The following RSPH14 variants were observed in gnomAD, a reference collection of about 807,000 sequenced individuals.
The protein encoded by RSPH14 is rhabdoid tumor deletion region gene 1.
Under a neutral mutation model 26.7 loss-of-function variants are expected in RSPH14, and 20 were observed. That is an observed-to-expected ratio of 0.75 (90% CI 0.53 to 1.09). The LOEUF is 1.09. Ranked by LOEUF, RSPH14 falls within the 50% of genes least tolerant of loss-of-function variation. The pLI is 0.00. For synonymous variants in RSPH14, 177 were observed against 189.3 expected (o/e 0.93, Z 0.53); for missense variants, 449 against 457.2 (o/e 0.98, Z 0.16).
chr22:23,086,357 C>T (rs925947266), intron 4 of RSPH14, among the ~76,000 whole-genome samples: 19 of 152,350 alleles, frequency 1.2e-4, no homozygotes, highest in African/African-American at 4.6e-4. Context: ...AGGCCACCTC[C>T]CAGGCCTGCT....
the RSPH14 span, among the ~76,000 whole-genome samples, chr22:23,167,711 A>AT: frequency 1.9e-4 from 28 of 145,744 alleles, no homozygotes; most frequent in African/African-American, 2.4e-4. Context: ...TAATTAATTT[A>AT]TTTTTTTTTT....
chr22:23,063,004 C>A (rs942622797), intron 5 of RSPH14, among the ~76,000 whole-genome samples: 3 of 152,194 alleles, frequency 2.0e-5, no homozygotes, highest in African/African-American at 7.2e-5. Flanking sequence ...GGATGACACA[C>A]AAAGTAACGG....
At chr22:23,097,288 G>A (rs767022761) in intron 4 of RSPH14, among the ~76,000 whole-genome samples, 4 of 152,190 alleles carry the variant, frequency 2.6e-5, no homozygotes, top group East Asian at 1.9e-4. Context: ...ACTGGCCTCC[G>A]AGGTCACTCC....
At chr22:23,079,999 A>G (rs5751576) in intron 4 of RSPH14, among the ~76,000 whole-genome samples, 39,380 of 151,878 alleles carry the variant, frequency 0.26, 5,217 homozygotes, top group East Asian at 0.36. Flanking sequence ...CACTCAAGTG[A>G]GGGTTTGATG....
intron 4 of RSPH14, among the ~76,000 whole-genome samples, chr22:23,084,271 C>T (rs540743580): frequency 6.6e-6 from 1 of 152,328 alleles, no homozygotes; most frequent in Non-Finnish European, 1.5e-5. Flanking sequence ...AGAAGCCTTA[C>T]TTTGAGTACT....
In RSPH14 at chr22:23,115,802, A is replaced by G. The variant is rs180966665; in HGVS notation, c.421+18224T>C. On this transcript the variant is annotated intron_variant, in intron 4 of 6. Transcript: ENST00000216036. ...CTAAACCTCAGTTTATTTGAAGCAC[A>G]GTACATGATTGCTCACTTCAGGAAA... 3.0e-3 allele frequency among the ~76,000 whole-genome samples: 461 copies of G among 152,356 alleles called. 1 individual carries two copies. Among genetic ancestry groups the G allele is most frequent in the South Asian group, 6.8e-3 (33 of 4,826 alleles).
rs577120196 is a variant in RSPH14, at chr22:23,136,867, TG to T, written c.302+1972del. On this transcript the variant is annotated intron_variant, in intron 3 of 6. Coordinates refer to ENST00000216036, the MANE Select transcript of RSPH14 (RefSeq NM_014433.3). ...CCCTAACCTTTTAAAGCACCTTGCC[TG>T]GGTCATCTAAGATCTGCAGAGTGAG... Among the ~76,000 whole-genome samples the T allele has an allele frequency of 3.1e-4, 43 of 138,404 alleles. 14 individuals carry two copies. Among genetic ancestry groups the T allele is most frequent in the Non-Finnish European group, 5.8e-4 (36 of 62,148 alleles). 90.8% of individuals were successfully genotyped at this position (138,404 alleles called of 152,430 possible). A position where few individuals can be genotyped will look rare whatever the true frequency, so the allele number is the denominator to read the frequency against.
At chr22:23,135,222 C>T (rs976892607) in intron 3 of RSPH14, among the ~76,000 whole-genome samples, 2 of 151,064 alleles carry the variant, frequency 1.3e-5, no homozygotes, top group African/African-American at 4.9e-5. Flanking sequence ...GCCTGTAATC[C>T]CAGCACTTTG....
the RSPH14 span, among the ~76,000 whole-genome samples, chr22:23,168,961 C>A: frequency 6.6e-6 from 1 of 152,316 alleles, no homozygotes; most frequent in African/African-American, 2.4e-5. Flanking sequence ...CAGCCTGGCA[C>A]AACTCACTGG....
the RSPH14 span, chr22:23,162,557 C>A: frequency 1.1e-5 from 5 of 443,218 alleles, no homozygotes; most frequent in Non-Finnish European, 2.3e-5. Flanking sequence ...GTCTCCAACA[C>A]CGCCTCCTGC....
At chr22:23,100,106 G>A (rs1022080382) in intron 4 of RSPH14, among the ~76,000 whole-genome samples, 1 of 152,248 alleles carries the variant, frequency 6.6e-6, no homozygotes, top group African/African-American at 2.4e-5. Flanking sequence ...ACCTGTGATG[G>A]ACCTGCTGTG....
upstream of RSPH14, among the ~76,000 whole-genome samples, chr22:23,149,309 A>G (rs967987350): frequency 6.6e-6 from 1 of 152,194 alleles, no homozygotes; most frequent in Non-Finnish European, 1.5e-5. Flanking sequence ...GGCCAATCCA[A>G]TGGCAAAAAA....
At chr22:23,141,860 G>A (rs1002004156) in intron 1 of RSPH14, 89 bp downstream of exon 1, 25 of 475,082 alleles carry the variant, frequency 5.3e-5, no homozygotes, top group Non-Finnish European at 6.1e-5. Context: ...GTGATTTTGA[G>A]TGTGGGGACA....
At chr22:23,069,804 A>G (rs1049523627) in intron 4 of RSPH14, among the ~76,000 whole-genome samples, 2 of 152,110 alleles carry the variant, frequency 1.3e-5, no homozygotes, top group Non-Finnish European at 2.9e-5. Flanking sequence ...TAGGCCTTTC[A>G]CACGTTCTGA....
upstream of RSPH14, chr22:23,146,546 GT>G: frequency 6.3e-7 from 1 of 1,586,876 alleles, no homozygotes; most frequent in South Asian, 1.1e-5. Flanking sequence ...AAACTCATGG[GT>G]GAATCCCCAG....
intron 4 of RSPH14, among the ~76,000 whole-genome samples, chr22:23,098,848 C>T (rs2069204172): frequency 1.3e-5 from 2 of 152,386 alleles, no homozygotes; most frequent in Non-Finnish European, 2.9e-5. Context: ...GTGAGGACAG[C>T]CCGTCTCCAG....
intron 4 of RSPH14, among the ~76,000 whole-genome samples, chr22:23,084,000 A>G (rs932451682): frequency 6.6e-6 from 1 of 152,170 alleles, no homozygotes. Context: ...AGATGCAGCC[A>G]GAGAGGCAGG....
chr22:23,159,133 C>T, the RSPH14 span: 7,134 of 1,606,668 alleles, frequency 4.4e-3, 42 homozygotes, highest in Non-Finnish European at 4.3e-3. Flanking sequence ...AGAGCCGGGA[C>T]GCTGGGTCAA....
At chr22:23,108,049 G>A (rs1365260219) in intron 4 of RSPH14, among the ~76,000 whole-genome samples, 3 of 152,196 alleles carry the variant, frequency 2.0e-5, no homozygotes, top group South Asian at 2.1e-4. Context: ...TGGGTGTGAG[G>A]CCTGTGCCCC....
Sources: gnomAD v4.1 joint callset for allele counts (sites outside exome capture counted in the v4.1 genomes callset) on GRCh38, gnomAD v4.1.1 for gene constraint, MANE v1.5 for transcripts, NCBI Gene and HGNC (gene_info 2026-07-23, HGNC 2026-07-21) for gene names.